Variants in RNF220 observed in about 807,000 individuals in gnomAD.
RNF220 encodes ring finger protein 220.
In RNF220, 7 loss-of-function variants were observed where a neutral mutation model predicts 67.1. The observed-to-expected ratio is 0.10, with a 90% CI of 0.06 to 0.20. The LOEUF (loss-of-function observed/expected upper bound fraction) is 0.20, where lower values mean the gene tolerates loss of function less well. RNF220 is among the 10% of genes least tolerant of loss of function. The pLI, the probability that RNF220 is intolerant of heterozygous loss-of-function variation, is 1.00. For missense variants in RNF220, 565 were observed against 740.3 expected (o/e 0.76, Z 2.75); for synonymous variants, 270 against 283.2 (o/e 0.95, Z 0.47).
Position 44,412,271 on chromosome 1 carries a change from G to A in RNF220, c.174G>A (p.Val58=), listed in dbSNP as rs1319014226. 7 of 1,614,106 alleles carry A rather than the reference G, an allele frequency of 4.3e-6. 1 individual carries two copies. The South Asian group carries it at 7.7e-5, about 18-fold the overall frequency. The part of the protein sequence containing the change: ...FGVPVSVDKD[V]HIPFTNGSYT... ...TACCTGTCTCAGTTGACAAGGACGT[G>A]CATATTCCTTTCACCAACGGTTCCT... The change falls in exon 2 of 15, where the codon GTG becomes GTA. Residue 58 remains valine (V), a synonymous_variant. Transcript: ENST00000361799. This position sits in a 1 kb window ranked among gnomAD's most constrained non-coding sequence, Gnocchi z 5.3.
chr1:44,638,045 T>TG (rs1170693679), intron 8 of RNF220, among the ~76,000 whole-genome samples: 5 of 152,100 alleles, frequency 3.3e-5, no homozygotes, highest in East Asian at 1.9e-4. Context: ...GGCTCCTCAG[T>TG]GGGGGGGCTA....
intron 2 of RNF220, among the ~76,000 whole-genome samples, chr1:44,450,648 C>T (rs1652575176): frequency 6.6e-6 from 1 of 152,052 alleles, no homozygotes; most frequent in South Asian, 2.1e-4. Context: ...ATAGAATTAC[C>T]TTATTCTTTT....
In RNF220 at chr1:44,600,040, T is replaced by C. The variant is rs1474312970; in HGVS notation, c.626-14125T>C. On this transcript the variant is annotated intron_variant, in intron 2 of 14. Coordinates refer to ENST00000361799, the MANE Select transcript of RNF220 (RefSeq NM_018150.4). This position sits in a 1 kb window ranked among gnomAD's most constrained non-coding sequence, Gnocchi z 4.0. ...AAGAAAAGAAGATGATTCTGACCAG[T>C]ACTTAGGAGGTAAAAACAGGGAAGA... 6.6e-6 allele frequency among the ~76,000 whole-genome samples: 1 copy of C among 152,150 alleles called. No homozygotes were observed. Among genetic ancestry groups the C allele is most frequent in the Non-Finnish European group, 1.5e-5 (1 of 68,020 alleles).
At chr1:44,465,812 C>A (rs748757795) in intron 2 of RNF220, among the ~76,000 whole-genome samples, 12 of 152,150 alleles carry the variant, frequency 7.9e-5, no homozygotes, top group Non-Finnish European at 1.6e-4. Context: ...CACACCTTAA[C>A]TTAAAAATAT....
chr1:44,499,275 C>A (rs182111783), intron 2 of RNF220, among the ~76,000 whole-genome samples: 1 of 152,318 alleles, frequency 6.6e-6, no homozygotes, highest in Admixed American at 6.5e-5. Context: ...CCATTTCCCC[C>A]TGTAGCTACC....
At chr1:44,572,810 C>G (rs147143642) in intron 2 of RNF220, among the ~76,000 whole-genome samples, 1 of 152,108 alleles carries the variant, frequency 6.6e-6, no homozygotes. Context: ...TACCAAGTAA[C>G]CTTTATTGTC....
In RNF220 at chr1:44,649,956, T is replaced by C; in HGVS notation, c.1628T>C (p.Leu543Pro). The change falls in exon 14 of 15, where the codon CTG (leucine) becomes CCG (proline). Residue 543 changes from leucine to proline, a missense_variant and splice_region_variant. Transcript: ENST00000361799. The surrounding 1 kb of genome is among the most constrained non-coding windows in gnomAD (Gnocchi z 5.9). ...VHCEECWLRT[L>P]GAKKLCPQCN... ...TGCGAGGAGTGCTGGCTGCGGACCC[T>C]GGTGAGGTGGCATGGGGGTCGGGGA... 6.2e-7 allele frequency: 1 copy of C among 1,613,406 alleles called. No homozygotes were observed. The highest frequency in any genetic ancestry group is 8.5e-7 in the Non-Finnish European group (1 of 1,179,838).
At chr1:44,466,034 T>C (rs1654243825) in intron 2 of RNF220, among the ~76,000 whole-genome samples, 1 of 152,220 alleles carries the variant, frequency 6.6e-6, no homozygotes, top group Non-Finnish European at 1.5e-5. Flanking sequence ...GTGATGCTAT[T>C]TGATAGCATT....
intron 2 of RNF220, among the ~76,000 whole-genome samples, chr1:44,480,869 G>T (rs961057842): frequency 1.3e-5 from 2 of 152,154 alleles, no homozygotes; most frequent in Non-Finnish European, 2.9e-5. Context: ...CTGGGCAACA[G>T]AGTGAGACTC....
rs756065259 is a variant in RNF220 at position 44,651,396 on chromosome 1, G to T, written c.*621G>T. The T allele has an allele frequency of 2.0e-4, 32 of 158,064 alleles. No individual in the cohort carries two copies. Among genetic ancestry groups the T allele is most frequent in the Non-Finnish European group, 3.4e-4 (24 of 70,894 alleles). 9.8% of individuals were successfully genotyped at this position (158,064 alleles called of 1,614,324 possible). On this transcript the variant is annotated 3_prime_UTR_variant, in exon 15 of 15. Coordinates refer to ENST00000361799, the MANE Select transcript of RNF220 (RefSeq NM_018150.4). ...GTGTATATTTCTTCTCCCAGACATGGGGCACACGCCCCAAGGGACATGATC... is the reference window on the plus strand; with the variant it reads ...GTGTATATTTCTTCTCCCAGACATGTGGCACACGCCCCAAGGGACATGATC...
intron 2 of RNF220, among the ~76,000 whole-genome samples, chr1:44,489,711 A>G (rs1344416132): frequency 6.6e-6 from 1 of 152,218 alleles, no homozygotes; most frequent in Non-Finnish European, 1.5e-5. Context: ...TCCTGAACCA[A>G]TCATTGAGGC....
At chr1:44,527,977 A>G (rs1223464654) in intron 2 of RNF220, among the ~76,000 whole-genome samples, 6 of 151,172 alleles carry the variant, frequency 4.0e-5, no homozygotes, top group Admixed American at 2.0e-4. Context: ...TAAAAATCAT[A>G]GCTATGTATC....
chr1:44,472,368 G>A (rs1366922796), intron 2 of RNF220, among the ~76,000 whole-genome samples: 1 of 151,392 alleles, frequency 6.6e-6, no homozygotes, highest in Non-Finnish European at 1.5e-5. Flanking sequence ...GTTTTCCTGG[G>A]TGCCACTTAT....
chr1:44,509,818 C>A (rs142363838), intron 2 of RNF220, among the ~76,000 whole-genome samples: 1,786 of 128,650 alleles, frequency 0.014, 33 homozygotes, highest in African/African-American at 0.049. Context: ...ACCCAGGAGG[C>A]AGAGGCTGCA....
At chr1:44,436,350 G>C (rs1026601762) in intron 2 of RNF220, among the ~76,000 whole-genome samples, 1 of 151,954 alleles carries the variant, frequency 6.6e-6, no homozygotes, top group Non-Finnish European at 1.5e-5. Context: ...TTTAGGGGGG[G>C]TAATATATTT....
At chr1:44,432,080 A>G (rs1044714422) in intron 2 of RNF220, among the ~76,000 whole-genome samples, 1 of 151,940 alleles carries the variant, frequency 6.6e-6, no homozygotes, top group Non-Finnish European at 1.5e-5. Flanking sequence ...CTGCGACATT[A>G]TACTCCTATT....
intron 8 of RNF220, among the ~76,000 whole-genome samples, chr1:44,641,078 A>G (rs1644475505): frequency 6.6e-6 from 1 of 152,234 alleles, no homozygotes; most frequent in Non-Finnish European, 1.5e-5. Flanking sequence ...TAACCCAGGA[A>G]GAAATGAGTT....
chr1:44,428,288 A>G (rs2147858016), intron 2 of RNF220, among the ~76,000 whole-genome samples: 1 of 152,318 alleles, frequency 6.6e-6, no homozygotes, highest in East Asian at 1.9e-4. Context: ...CAACTCAGAT[A>G]GCAAGTCTGT....
chr1:44,635,795 C>A, intron 7 of RNF220: 1 of 1,332,972 alleles, frequency 7.5e-7, no homozygotes, highest in Non-Finnish European at 1.0e-6. Flanking sequence ...CTTCTGACCA[C>A]TGCTCTCTCC....
Sources: gnomAD v4.1 joint callset for allele counts (sites outside exome capture counted in the v4.1 genomes callset) on GRCh38, gnomAD v4.1.1 for gene constraint, Gnocchi (gnomAD v3.1) non-coding constraint, MANE v1.5 for transcripts, NCBI Gene and HGNC (gene_info 2026-07-23, HGNC 2026-07-21) for gene names.